The following PDGFC variants were observed in gnomAD, a reference collection of about 807,000 sequenced individuals.
The protein encoded by PDGFC is platelet-derived growth factor C.
PDGFC carries 12 observed loss-of-function variants against 35.5 expected under a neutral mutation model. That is an observed-to-expected ratio of 0.34 (90% CI 0.22 to 0.55). PDGFC has a LOEUF of 0.55. PDGFC is among the 20% of genes least tolerant of loss of function. The pLI is 0.91. For synonymous variants in PDGFC, 159 were observed against 148.8 expected (o/e 1.07, Z -0.50); for missense variants, 322 against 412.4 (o/e 0.78, Z 1.90).
In PDGFC at chr4:156,763,013, G is replaced by A; in HGVS notation, c.*77C>T. The A allele has an allele frequency of 1.3e-6, 1 of 762,648 alleles. No homozygotes were observed. Among genetic ancestry groups the A allele is most frequent in the Non-Finnish European group, 2.4e-6 (1 of 414,952 alleles). 47.2% of individuals were successfully genotyped at this position (762,648 alleles called of 1,614,324 possible). ...GCAAACAACTGAGATTAAGGATGGA[G>A]ATAACGCATACGTTCTCTAATAGAA... On this transcript the variant is annotated 3_prime_UTR_variant, in exon 6 of 6. Transcript: ENST00000502773.
chr4:156,779,844 T>C (rs1477473239), intron 3 of PDGFC, among the ~76,000 whole-genome samples: 2 of 152,170 alleles, frequency 1.3e-5, no homozygotes, highest in African/African-American at 4.8e-5. Context: ...CCTAAAGCAC[T>C]GGTGGTCTAC....
intron 1 of PDGFC, among the ~76,000 whole-genome samples, chr4:156,960,019 AC>A (rs1409179637): frequency 6.6e-6 from 1 of 151,762 alleles, no homozygotes; most frequent in Non-Finnish European, 1.5e-5. Context: ...ATGGCTTAAA[AC>A]CTCAAGACTG....
At chr4:156,840,578 G>T (rs1297020533) in intron 2 of PDGFC, among the ~76,000 whole-genome samples, 1 of 152,178 alleles carries the variant, frequency 6.6e-6, no homozygotes. Context: ...AGTCCCCACT[G>T]GGGCACTGCC....
At chr4:156,832,405 C>T (rs919247732) in intron 2 of PDGFC, among the ~76,000 whole-genome samples, 24 of 151,808 alleles carry the variant, frequency 1.6e-4, no homozygotes, top group African/African-American at 2.7e-4. Context: ...TACAGGCACC[C>T]GCCACCATGC....
intron 1 of PDGFC, among the ~76,000 whole-genome samples, chr4:156,854,645 T>C (rs1484151634): frequency 6.6e-6 from 1 of 152,134 alleles, no homozygotes; most frequent in African/African-American, 2.4e-5. Flanking sequence ...GCAACAAACA[T>C]TAAGTTTACC....
At chr4:156,856,468 A>G (rs1253463508) in intron 1 of PDGFC, among the ~76,000 whole-genome samples, 1 of 152,170 alleles carries the variant, frequency 6.6e-6, no homozygotes, top group African/African-American at 2.4e-5. Flanking sequence ...CTATACTAGT[A>G]AACGAGCCAG....
chr4:156,803,202 C>A (rs1731664410), intron 3 of PDGFC, among the ~76,000 whole-genome samples: 1 of 151,986 alleles, frequency 6.6e-6, no homozygotes, highest in Admixed American at 6.6e-5. Context: ...TCTGAGTGTA[C>A]TGAGAGGAGA....
chr4:156,824,353 T>C (rs10049796), intron 2 of PDGFC, among the ~76,000 whole-genome samples: 60 of 104,590 alleles, frequency 5.7e-4, no homozygotes, highest in African/African-American at 2.0e-3. Flanking sequence ...CACACACATA[T>C]ACACACATAT....
chr4:156,867,472 G>T (rs538085668), intron 1 of PDGFC, among the ~76,000 whole-genome samples: 63 of 152,294 alleles, frequency 4.1e-4, no homozygotes, highest in Non-Finnish European at 1.3e-4. Context: ...TCAGGAGATG[G>T]TGGTAATGGG....
chr4:156,788,058 A>C (rs774641397), intron 3 of PDGFC, among the ~76,000 whole-genome samples: 5 of 152,220 alleles, frequency 3.3e-5, no homozygotes, highest in Non-Finnish European at 5.9e-5. Flanking sequence ...ACAGCATTTC[A>C]TTCATGGACA....
At chr4:156,910,640 A>G (rs2110802814) in intron 1 of PDGFC, among the ~76,000 whole-genome samples, 1 of 152,272 alleles carries the variant, frequency 6.6e-6, no homozygotes, top group East Asian at 1.9e-4. Context: ...AGACGGCTGT[A>G]GCATTTACAT....
At chr4:156,962,847 C>A (rs185983771) in intron 1 of PDGFC, among the ~76,000 whole-genome samples, 49 of 152,148 alleles carry the variant, frequency 3.2e-4, no homozygotes, top group African/African-American at 1.1e-3. Flanking sequence ...ACCTAAGAGT[C>A]ACTCCTGGAG....
chr4:156,787,622 G>A (rs1731164122), intron 3 of PDGFC, among the ~76,000 whole-genome samples: 1 of 152,018 alleles, frequency 6.6e-6, no homozygotes, highest in South Asian at 2.1e-4. Flanking sequence ...GATGTGCTGA[G>A]GGTAATGAAC....
intron 2 of PDGFC, among the ~76,000 whole-genome samples, chr4:156,842,783 A>T (rs1341165168): frequency 6.6e-6 from 1 of 152,096 alleles, no homozygotes; most frequent in Non-Finnish European, 1.5e-5. Context: ...GTTCTCATTT[A>T]TCTGTAACCC....
At position 156,762,074 on chromosome 4, in the gene PDGFC, T is replaced by C. The variant is rs1034859111; in HGVS notation, c.*1016A>G. 6.6e-6 allele frequency: 1 copy of C among 152,652 alleles called. No individual in the cohort carries two copies. 9.5% of individuals were successfully genotyped at this position (152,652 alleles called of 1,614,324 possible). The stretch of plus-strand genomic sequence containing the variant: ...AATGGAAGATATGATAATTTAATTA[T>C]TTTCAAAAAGTCTTTGCAACTTACC... On this transcript the variant is annotated 3_prime_UTR_variant, in exon 6 of 6. Transcript: ENST00000502773.
chr4:156,932,291 T>C (rs936576088), intron 1 of PDGFC, among the ~76,000 whole-genome samples: 1 of 152,172 alleles, frequency 6.6e-6, no homozygotes, highest in Non-Finnish European at 1.5e-5. Context: ...CACACTCTGT[T>C]TGTGTTCAAA....
At chr4:156,767,285 T>C (rs1317345240) in intron 5 of PDGFC, among the ~76,000 whole-genome samples, 1 of 152,114 alleles carries the variant, frequency 6.6e-6, no homozygotes, top group Non-Finnish European at 1.5e-5. Context: ...AAGTTTAACA[T>C]GTTATTTGAA....
intron 3 of PDGFC, among the ~76,000 whole-genome samples, chr4:156,780,632 C>T (rs1307077412): frequency 6.6e-6 from 1 of 152,096 alleles, no homozygotes; most frequent in African/African-American, 2.4e-5. Flanking sequence ...GAAGGCCTTA[C>T]TTTGGAGTAA....
At chr4:156,770,903 A>G (rs1730677354) in intron 4 of PDGFC, among the ~76,000 whole-genome samples, 2 of 152,104 alleles carry the variant, frequency 1.3e-5, no homozygotes, top group South Asian at 4.1e-4. Context: ...TTCTGTGGGA[A>G]ATCTATTTCA....
Sources: gnomAD v4.1 joint callset for allele counts (sites outside exome capture counted in the v4.1 genomes callset) on GRCh38, gnomAD v4.1.1 for gene constraint, MANE v1.5 for transcripts, NCBI Gene and HGNC (gene_info 2026-07-23, HGNC 2026-07-21) for gene names.